MSRA: variants seen among roughly 807,000 people sequenced by gnomAD.
MSRA encodes the protein methionine sulfoxide reductase A.
A neutral mutation model predicts 31.3 loss-of-function variants in MSRA; 54 were observed. The ratio of observed to expected loss-of-function variants is 1.73; its 90% CI spans 1.39 to 2.17. The LOEUF (loss-of-function observed/expected upper bound fraction) is 2.17. Among genes scored for constraint, MSRA ranks in the 30% most tolerant of loss-of-function variants. The pLI is 0.00. For synonymous variants in MSRA, 169 were observed against 116.5 expected (o/e 1.45, Z -2.90); for missense variants, 507 against 300.9 (o/e 1.69, Z -5.07).
intron 5 of MSRA, among the ~76,000 whole-genome samples, chr8:10,377,232 G>A (rs891663391): frequency 6.6e-6 from 1 of 152,246 alleles, no homozygotes; most frequent in Non-Finnish European, 1.5e-5. Flanking sequence ...CACCTGCGTG[G>A]CTTAACGTTA....
intron 1 of MSRA, among the ~76,000 whole-genome samples, chr8:10,172,936 C>T (rs1441377608): frequency 1.3e-5 from 2 of 152,160 alleles, no homozygotes; most frequent in African/African-American, 4.8e-5. Flanking sequence ...TCATTCTCAG[C>T]ATAACACCGA....
chr8:10,132,230 A>C (rs1225379889), intron 1 of MSRA, among the ~76,000 whole-genome samples: 1 of 152,226 alleles, frequency 6.6e-6, no homozygotes, highest in East Asian at 1.9e-4. Context: ...CCCCTTTCAC[A>C]AAAAAAGTTT....
chr8:10,143,901 AGATT>A (rs1311660610), intron 1 of MSRA, among the ~76,000 whole-genome samples: 3 of 152,158 alleles, frequency 2.0e-5, no homozygotes, highest in Non-Finnish European at 1.5e-5. Flanking sequence ...TCGATTTTGT[AGATT>A]CTTGTCTGCT....
At chr8:10,409,743 T>C (rs950196552) in intron 5 of MSRA, among the ~76,000 whole-genome samples, 3 of 152,248 alleles carry the variant, frequency 2.0e-5, no homozygotes, top group African/African-American at 7.2e-5. Context: ...TCACTTGGGT[T>C]GATTTAATAG....
intron 1 of MSRA, among the ~76,000 whole-genome samples, chr8:10,186,847 C>A (rs985123292): frequency 6.6e-6 from 1 of 152,088 alleles, no homozygotes; most frequent in African/African-American, 2.4e-5. Context: ...ACCTATATGT[C>A]ATTTGTCTTT....
rs556313653 is a variant in MSRA at position 10,220,291 on chromosome 8, C to T, written c.211+12390C>T. Reference sequence around the variant, plus strand: ...ACCTTGGGAGCAACAGTGGTGCCTGCAGATGGATGTCTTTCTGATGGAGGT... The same window carrying T: ...ACCTTGGGAGCAACAGTGGTGCCTGTAGATGGATGTCTTTCTGATGGAGGT... On this transcript the variant is annotated intron_variant, in intron 2 of 5. Coordinates refer to ENST00000317173, the MANE Select transcript of MSRA (RefSeq NM_012331.5). Among the ~76,000 whole-genome samples the T allele has an allele frequency of 3.4e-4, 51 of 152,180 alleles. 1 individual carries two copies. Among genetic ancestry groups the T allele is most frequent in the Middle Eastern group, 3.2e-3 (1 of 316 alleles).
At chr8:10,133,416 C>G (rs1802041949) in intron 1 of MSRA, among the ~76,000 whole-genome samples, 1 of 152,174 alleles carries the variant, frequency 6.6e-6, no homozygotes, top group South Asian at 2.1e-4. Context: ...TGGCTAACGC[C>G]TCAGTGCTTC....
chr8:10,272,482 C>G (rs1460182309), intron 3 of MSRA, among the ~76,000 whole-genome samples: 1 of 152,194 alleles, frequency 6.6e-6, no homozygotes, highest in East Asian at 1.9e-4. Flanking sequence ...GTGTTTTGTT[C>G]TATTCAGGCC....
intron 1 of MSRA, among the ~76,000 whole-genome samples, chr8:10,055,026 C>G (rs545561319): frequency 6.6e-6 from 1 of 152,344 alleles, no homozygotes; most frequent in South Asian, 2.1e-4. Flanking sequence ...CTGCGCCCTC[C>G]TTTCTTGTCT....
chr8:10,290,408 T>A (rs556586946), intron 3 of MSRA, among the ~76,000 whole-genome samples: 3 of 152,190 alleles, frequency 2.0e-5, no homozygotes, highest in Non-Finnish European at 4.4e-5. Context: ...CTAGATGACC[T>A]TTCAGGTCCC....
At chr8:10,207,708 G>A (rs775608483) in intron 1 of MSRA, 125 bp from the exon 2 acceptor site, 6 of 775,698 alleles carry the variant, frequency 7.7e-6, no homozygotes, top group African/African-American at 3.5e-5. Flanking sequence ...GCTCTCTTCA[G>A]AGGGTAAGCT....
intron 5 of MSRA, among the ~76,000 whole-genome samples, chr8:10,344,111 A>T (rs1015146404): frequency 1.3e-5 from 2 of 152,204 alleles, no homozygotes; most frequent in African/African-American, 4.8e-5. Context: ...CTTGCTAAGG[A>T]AGTTGCATGT....
At chr8:10,267,689 C>G (rs1012445899) in intron 3 of MSRA, among the ~76,000 whole-genome samples, 1 of 152,134 alleles carries the variant, frequency 6.6e-6, no homozygotes, top group Non-Finnish European at 1.5e-5. Flanking sequence ...GTCCCCCACA[C>G]CTGCTGGGGG....
intron 1 of MSRA, among the ~76,000 whole-genome samples, chr8:10,206,926 T>A (rs1319291962): frequency 6.6e-6 from 1 of 152,226 alleles, no homozygotes; most frequent in Non-Finnish European, 1.5e-5. Flanking sequence ...GTGGCTTCAG[T>A]GCTGAGCCCT....
At chr8:10,213,551 C>T (rs1200149776) in intron 2 of MSRA, among the ~76,000 whole-genome samples, 1 of 151,558 alleles carries the variant, frequency 6.6e-6, no homozygotes, top group African/African-American at 2.4e-5. Context: ...ATTCTCCTGC[C>T]TCAGCTTCCC....
chr8:10,427,086 G>A (rs1484555473), intron 5 of MSRA, among the ~76,000 whole-genome samples: 1 of 152,188 alleles, frequency 6.6e-6, no homozygotes, highest in Admixed American at 6.5e-5. Context: ...GATGCACTGT[G>A]CTTGGCAGAC....
At chr8:10,107,605 A>T (rs142289993) in intron 1 of MSRA, among the ~76,000 whole-genome samples, 6 of 152,318 alleles carry the variant, frequency 3.9e-5, no homozygotes, top group Admixed American at 3.3e-4. Context: ...AAGCATTTTT[A>T]AAAAAGGAAA....
chr8:10,393,494 C>T (rs1161241315), intron 5 of MSRA, among the ~76,000 whole-genome samples: 1 of 152,202 alleles, frequency 6.6e-6, no homozygotes, highest in African/African-American at 2.4e-5. Flanking sequence ...ACAGCGTCAG[C>T]ATGTGACGGT....
At chr8:10,058,622 A>C (rs926270666) in intron 1 of MSRA, among the ~76,000 whole-genome samples, 2 of 152,226 alleles carry the variant, frequency 1.3e-5, no homozygotes, top group African/African-American at 2.4e-5. Context: ...ATAAATGGCT[A>C]TTTCCTTGAC....
Sources: allele counts gnomAD v4.1 joint callset (sites outside exome capture counted in the v4.1 genomes callset), GRCh38; gene constraint gnomAD v4.1.1; transcripts MANE v1.5; gene names NCBI Gene and HGNC (gene_info 2026-07-23, HGNC 2026-07-21).